Variants in ECHDC3 observed in about 807,000 individuals in gnomAD.
ECHDC3 encodes the protein enoyl-CoA hydratase domain-containing protein 3, mitochondrial.
Under a neutral mutation model 17.9 loss-of-function variants are expected in ECHDC3, and 20 were observed. That is an observed-to-expected ratio of 1.12 (90% confidence interval 0.79 to 1.63). The LOEUF (loss-of-function observed/expected upper bound fraction) is 1.63, where lower values mean the gene tolerates loss of function less well. Among genes scored for constraint, ECHDC3 ranks in the 40% most tolerant of loss-of-function variants. The probability of loss-of-function intolerance (pLI) is 0.00; values close to 1 mark genes in which losing one functional copy is unlikely to be tolerated. For missense variants in ECHDC3, 407 were observed against 357.7 expected, an observed-to-expected ratio of 1.14 and a Z score of -1.11; for synonymous variants, 177 against 149.7, an observed-to-expected ratio of 1.18 and a Z score of -1.33.
rs527428859 is a variant in ECHDC3 at position 11,747,516 on chromosome 10, A to C, written c.292+46A>C. ...CTTAGTATTCTGCAGTGCCCACAAG[A>C]GCTTTCTGAGTCTTTAGTAAACTGG... On this transcript the variant is annotated intron_variant, in intron 2 of 4. Transcript: ENST00000379215. 361 of 1,596,026 alleles carry C rather than the reference A, an allele frequency of 2.3e-4. 7 individuals are homozygous for C. The South Asian group carries it at 3.7e-3, about 16-fold the overall frequency.
intron 2 of ECHDC3, 121 bp from the exon 3 acceptor site, chr10:11,749,374 A>G: frequency 1.2e-6 from 1 of 840,828 alleles, no homozygotes; most frequent in Non-Finnish European, 1.8e-6. Flanking sequence ...AAATTAGGCC[A>G]TTAACTTGCT....
Position 11,763,792 on chromosome 10 carries a change from C to T in ECHDC3, c.*248C>T, listed in dbSNP as rs1030748643. 11 of 1,281,910 alleles carry T rather than the reference C, an allele frequency of 8.6e-6. No homozygotes were observed. The highest frequency in any genetic ancestry group is 1.1e-5 in the Non-Finnish European group (11 of 1,013,162). The allele number at this position is 1,281,910 out of a possible 1,614,324, so 79.4% of individuals were successfully genotyped here. A position where few individuals can be genotyped will look rare whatever the true frequency, so the allele number is the denominator to read the frequency against. ...GCAGCGGGCCAGCTATGGTGGGAAG[C>T]CTGGCATTTGGGGTGCTCCTTGCAA... On this transcript the variant is annotated 3_prime_UTR_variant, in exon 5 of 5. Transcript: ENST00000379215. The surrounding 1 kb of genome is among the most constrained non-coding windows in gnomAD (Gnocchi z 4.9).
chr10:11,755,631 C>T, intron 4 of ECHDC3, 23 bp downstream of exon 4: 1 of 1,586,278 alleles, frequency 6.3e-7, no homozygotes, highest in Non-Finnish European at 8.6e-7. Context: ...CCCCCACCCA[C>T]CTCTGCCTCC....
chr10:11,753,345 C>T (rs201325663), intron 3 of ECHDC3, among the ~76,000 whole-genome samples: 9 of 151,838 alleles, frequency 5.9e-5, no homozygotes, highest in Admixed American at 3.3e-4. Flanking sequence ...ATTGTGCCAC[C>T]GCACTCCAGC....
intron 1 of ECHDC3, 127 bp from the exon 2 acceptor site, chr10:11,747,222 G>A: frequency 8.2e-7 from 1 of 1,225,936 alleles, no homozygotes; most frequent in Admixed American, 3.0e-5. Flanking sequence ...CTCTAAATTG[G>A]CACTAAGCCC....
At chr10:11,747,050 G>C (rs1489337890) in intron 1 of ECHDC3, among the ~76,000 whole-genome samples, 1 of 152,140 alleles carries the variant, frequency 6.6e-6, no homozygotes, top group Non-Finnish European at 1.5e-5. Context: ...TTTTGGAACC[G>C]CTGTGCATTG....
chr10:11,756,233 C>T (rs774530766), intron 4 of ECHDC3, among the ~76,000 whole-genome samples: 9 of 152,184 alleles, frequency 5.9e-5, no homozygotes, highest in Middle Eastern at 3.2e-3. Context: ...AGTCTGTTTC[C>T]GCCACAAAGC....
chr10:11,745,515 C>A (rs913245785), intron 1 of ECHDC3, among the ~76,000 whole-genome samples: 26 of 152,282 alleles, frequency 1.7e-4, no homozygotes, highest in African/African-American at 5.5e-4. Context: ...TTATAAGAAA[C>A]AACAAGATGA....
intron 4 of ECHDC3, among the ~76,000 whole-genome samples, chr10:11,758,335 C>T (rs896622051): frequency 6.6e-6 from 1 of 152,214 alleles, no homozygotes; most frequent in Non-Finnish European, 1.5e-5. Flanking sequence ...CTTGCTCAGA[C>T]CCTGAGCCAG....
chr10:11,763,104 C>T lies in ECHDC3; in HGVS notation c.592-120C>T, dbSNP rs1832971892. ...CGGGCAGGAGTTAGGGCACTGAAGA[C>T]GTCAGGGCTGGCGGATGACGTGGTA... On this transcript the variant is annotated intron_variant, in intron 4 of 4. Transcript: ENST00000379215. This position sits in a 1 kb window ranked among gnomAD's most constrained non-coding sequence, Gnocchi z 4.9. 1 of 621,620 alleles carries T rather than the reference C, an allele frequency of 1.6e-6. No homozygotes were observed. Among genetic ancestry groups the T allele is most frequent in the South Asian group, 1.9e-5 (1 of 53,212 alleles). 38.5% of individuals were successfully genotyped at this position (621,620 alleles called of 1,614,324 possible). A position where few individuals can be genotyped will look rare whatever the true frequency, so the allele number is the denominator to read the frequency against.
chr10:11,746,454 G>C (rs568494167), intron 1 of ECHDC3, among the ~76,000 whole-genome samples: 3 of 151,700 alleles, frequency 2.0e-5, no homozygotes, highest in African/African-American at 7.3e-5. Flanking sequence ...TTGTACATTT[G>C]AAACTAACTA....
At position 11,764,019 on chromosome 10, in the gene ECHDC3, T is replaced by C; in HGVS notation, c.*475T>C. 1.1e-6 allele frequency: 1 copy of C among 892,218 alleles called. No homozygotes were observed. Among genetic ancestry groups the C allele is most frequent in the Non-Finnish European group, 1.3e-6 (1 of 744,624 alleles). 55.3% of individuals were successfully genotyped at this position (892,218 alleles called of 1,614,324 possible). A position where few individuals can be genotyped will look rare whatever the true frequency, so the allele number is the denominator to read the frequency against. ...GATTCTATAGAGACTTAATCATGCC[T>C]ATGGCTTTGAATAATCTTATGTGAT... On this transcript the variant is annotated 3_prime_UTR_variant, in exon 5 of 5. Transcript: ENST00000379215.
intron 1 of ECHDC3, among the ~76,000 whole-genome samples, chr10:11,745,729 G>A (rs59658064): frequency 0.034 from 5,236 of 152,294 alleles, 304 homozygotes; most frequent in African/African-American, 0.12. Flanking sequence ...AAACCTGTAG[G>A]TGAAAACTGA....
chr10:11,753,453 T>C (rs1310815776), intron 3 of ECHDC3, among the ~76,000 whole-genome samples: 1 of 152,228 alleles, frequency 6.6e-6, no homozygotes, highest in African/African-American at 2.4e-5. Flanking sequence ...CTGCCAAGTT[T>C]TATGAAATCC....
chr10:11,752,085 ACTT>A (rs1832831077), intron 3 of ECHDC3: 1 of 151,202 alleles, frequency 6.6e-6, no homozygotes, highest in Non-Finnish European at 1.5e-5. Flanking sequence ...TCTTTTTTGA[ACTT>A]CTCTCTAACT....
intron 3 of ECHDC3, 39 bp downstream of exon 3, chr10:11,749,631 T>C: frequency 6.3e-7 from 1 of 1,592,576 alleles, no homozygotes; most frequent in Non-Finnish European, 8.6e-7. Flanking sequence ...AACCTGCAAA[T>C]GATCATTACA....
Position 11,747,340 on chromosome 10 carries a change from TCTTCA to T in ECHDC3, c.171-7_171-3del. 2 of 1,613,438 alleles carry T rather than the reference TCTTCA, an allele frequency of 1.2e-6. No individual in the cohort carries two copies. Among genetic ancestry groups the T allele is most frequent in the Non-Finnish European group, 1.7e-6 (2 of 1,179,632 alleles). On this transcript the variant is annotated splice_polypyrimidine_tract_variant and splice_region_variant and intron_variant, in intron 1 of 4. Coordinates refer to ENST00000379215, the MANE Select transcript of ECHDC3 (RefSeq NM_024693.5). ...GTGTGACCCTGTGATTGTAAAATGT[TCTTCA>T]CAGGAACATCGTCTTGAGCAATCCC...
chr10:11,742,476 A>AGTTCCGTCGG lies in ECHDC3; in HGVS notation c.-93_-92insGGGTTCCGTC, dbSNP rs1197826007. The AGTTCCGTCGG allele has an allele frequency of 1.4e-5, 16 of 1,146,702 alleles. No homozygotes were observed. Among genetic ancestry groups the AGTTCCGTCGG allele is most frequent in the Non-Finnish European group, 1.6e-5 (15 of 912,282 alleles). 71.0% of individuals were successfully genotyped at this position (1,146,702 alleles called of 1,614,324 possible). ...TCTCGGCCACCGTCGAGTTCCGTCG[A>AGTTCCGTCGG]GTTCCGTCCCGGCCCTGCTCACAGC... On this transcript the variant is annotated 5_prime_UTR_variant, in exon 1 of 5. Coordinates refer to ENST00000379215, the MANE Select transcript of ECHDC3 (RefSeq NM_024693.5).
intron 4 of ECHDC3, among the ~76,000 whole-genome samples, chr10:11,759,363 AAAAAAAAC>A (rs1263693895): frequency 1.2e-4 from 7 of 60,216 alleles, no homozygotes; most frequent in African/African-American, 3.3e-4. Context: ...TCTTAAAAAA[AAAAAAAAC>A]AAAAAAAAAA....
Sources: gnomAD v4.1 joint callset for allele counts (sites outside exome capture counted in the v4.1 genomes callset) on GRCh38, gnomAD v4.1.1 for gene constraint, Gnocchi (gnomAD v3.1) non-coding constraint, MANE v1.5 for transcripts, NCBI Gene and HGNC (gene_info 2026-07-23, HGNC 2026-07-21) for gene names.